The following RSPO3 variants were observed in gnomAD, a reference collection of about 807,000 sequenced individuals.
RSPO3 encodes the protein R-spondin-3.
RSPO3 carries 17 observed loss-of-function variants against 36.5 expected under a neutral mutation model. The observed-to-expected ratio is 0.47, with a 90% CI of 0.32 to 0.70. The LOEUF (loss-of-function observed/expected upper bound fraction) is 0.70. RSPO3 is among the 30% of genes least tolerant of loss of function. RSPO3 has a pLI of 0.04. For missense variants in RSPO3, 294 were observed against 322.5 expected (o/e 0.91, Z 0.68); for synonymous variants, 108 against 107.0 (o/e 1.01, Z -0.06).
At chr6:127,127,745 T>G (rs2114542162) in intron 1 of RSPO3, among the ~76,000 whole-genome samples, 1 of 152,180 alleles carries the variant, frequency 6.6e-6, no homozygotes, top group East Asian at 1.9e-4. Context: ...GGTTGGTACT[T>G]GAGGCAATCA....
At chr6:127,180,360 A>C (rs1582811685) in intron 4 of RSPO3, among the ~76,000 whole-genome samples, 1 of 151,664 alleles carries the variant, frequency 6.6e-6, no homozygotes, top group East Asian at 1.9e-4. Context: ...AACCATGCCA[A>C]GAACTTTGGG....
intron 4 of RSPO3, among the ~76,000 whole-genome samples, chr6:127,156,661 T>C (rs1412175609): frequency 1.3e-5 from 2 of 152,202 alleles, no homozygotes; most frequent in Non-Finnish European, 2.9e-5. Context: ...TTTATGGCTA[T>C]GCACTGTACT....
chr6:127,175,536 G>A (rs953503627), intron 4 of RSPO3, among the ~76,000 whole-genome samples: 1 of 151,726 alleles, frequency 6.6e-6, no homozygotes, highest in Non-Finnish European at 1.5e-5. Context: ...TCGTATATGA[G>A]CATAAAGTAC....
chr6:127,189,986 CAA>C (rs1775375442), intron 4 of RSPO3, among the ~76,000 whole-genome samples: 1 of 152,020 alleles, frequency 6.6e-6, no homozygotes, highest in Non-Finnish European at 1.5e-5. Flanking sequence ...TTAAAACAAA[CAA>C]AAGACATTTC....
intron 3 of RSPO3, 66 bp from the exon 4 acceptor site, chr6:127,155,175 T>A: frequency 1.3e-6 from 2 of 1,518,160 alleles, no homozygotes; most frequent in Non-Finnish European, 1.8e-6. Context: ...GCAAATCTTT[T>A]TTTAACTCAA....
chr6:127,170,770 A>C (rs2114616582), intron 4 of RSPO3, among the ~76,000 whole-genome samples: 1 of 151,958 alleles, frequency 6.6e-6, no homozygotes, highest in Middle Eastern at 3.4e-3. Flanking sequence ...AGTAACTTCA[A>C]AGAGTTACAA....
chr6:127,195,081 T>C (rs1339231228), intron 4 of RSPO3, among the ~76,000 whole-genome samples: 2 of 152,214 alleles, frequency 1.3e-5, no homozygotes, highest in Admixed American at 1.3e-4. Context: ...AGCAGGCAAA[T>C]ATCTTGACAA....
intron 1 of RSPO3, among the ~76,000 whole-genome samples, chr6:127,126,833 T>C (rs1371045509): frequency 6.6e-6 from 1 of 152,076 alleles, no homozygotes; most frequent in Admixed American, 6.6e-5. Context: ...CCCCACTGAG[T>C]AACTGTCTAG....
intron 4 of RSPO3, among the ~76,000 whole-genome samples, chr6:127,158,088 T>A (rs182906275): frequency 6.6e-6 from 1 of 151,630 alleles, no homozygotes; most frequent in Non-Finnish European, 1.5e-5. Flanking sequence ...ACCTAAATGA[T>A]AAGAACCCCA....
Position 127,148,754 on chromosome 6 carries a change from T to C in RSPO3, c.204T>C (p.Ile68=). 1 of 1,613,304 alleles carries C rather than the reference T, an allele frequency of 6.2e-7. No individual in the cohort carries two copies. The change falls in exon 2 of 5, where the codon ATT becomes ATC. Residue 68 remains isoleucine, a synonymous_variant. Transcript: ENST00000356698. ...KPRLFFALER[I]GMKQIGVCLS... ...GACTATTTTTTGCTCTGGAAAGAAT[T>C]GGCATGAAGCAGATTGGAGTATGTC...
At chr6:127,142,982 AT>A (rs34440525) in intron 1 of RSPO3, among the ~76,000 whole-genome samples, 82,729 of 143,074 alleles carry the variant, frequency 0.58, 23,176 homozygotes, top group African/African-American at 0.6. Flanking sequence ...TGCCCAGCTA[AT>A]TTTTTTTTTT....
chr6:127,152,568 C>G (rs1463541021), intron 3 of RSPO3, among the ~76,000 whole-genome samples: 1 of 152,142 alleles, frequency 6.6e-6, no homozygotes, highest in African/African-American at 2.4e-5. Context: ...TAGCTTCCCA[C>G]TACTCATCCA....
intron 1 of RSPO3, among the ~76,000 whole-genome samples, chr6:127,138,645 C>A (rs1774208694): frequency 6.6e-6 from 1 of 152,094 alleles, no homozygotes; most frequent in African/African-American, 2.4e-5. Context: ...TTAATCCTCT[C>A]AAATACATAT....
intron 4 of RSPO3, among the ~76,000 whole-genome samples, chr6:127,193,726 GT>G (rs1214349295): frequency 6.6e-6 from 1 of 152,056 alleles, no homozygotes; most frequent in Non-Finnish European, 1.5e-5. Flanking sequence ...TTACTCTTCA[GT>G]TTTCCCTGTT....
In RSPO3 at chr6:127,155,292, GAAA is replaced by G; in HGVS notation, c.491_493del (p.Lys164del). ...CCTTGGAGTCCATGCACGAAGAAGGGAAAAACATGTGGCTTCAAAAGAGGGACT... is the reference window on the plus strand; with the variant it reads ...CCTTGGAGTCCATGCACGAAGAAGGGAACATGTGGCTTCAAAAGAGGGACT... On this transcript the variant is annotated inframe_deletion, in exon 4 of 5. Coordinates refer to ENST00000356698, the MANE Select transcript of RSPO3 (RefSeq NM_032784.5). 1 of 1,613,906 alleles carries G rather than the reference GAAA, an allele frequency of 6.2e-7. No individual in the cohort carries two copies. The highest frequency in any genetic ancestry group is 8.5e-7 in the Non-Finnish European group (1 of 1,179,882).
chr6:127,153,990 T>G (rs969525173), intron 3 of RSPO3, among the ~76,000 whole-genome samples: 2 of 152,150 alleles, frequency 1.3e-5, no homozygotes, highest in Admixed American at 6.6e-5. Context: ...AATGGTTCAA[T>G]AAAGTTCATT....
At chr6:127,136,343 T>TA (rs1774156195) in intron 1 of RSPO3, among the ~76,000 whole-genome samples, 7 of 152,172 alleles carry the variant, frequency 4.6e-5, no homozygotes, top group Non-Finnish European at 8.8e-5. Flanking sequence ...TGCCCTAAAG[T>TA]AAGATGGCTC....
intron 4 of RSPO3, among the ~76,000 whole-genome samples, chr6:127,171,759 C>T (rs1774939005): frequency 1.3e-5 from 2 of 151,600 alleles, no homozygotes; most frequent in South Asian, 2.1e-4. Flanking sequence ...TGTTAGGTTG[C>T]AAACTAGCTT....
At chr6:127,131,931 A>T (rs549890828) in intron 1 of RSPO3, among the ~76,000 whole-genome samples, 1 of 152,290 alleles carries the variant, frequency 6.6e-6, no homozygotes, top group South Asian at 2.1e-4. Flanking sequence ...CCTGAAGCAA[A>T]TGGAGAGTCA....
Sources: gnomAD v4.1 joint callset for allele counts (sites outside exome capture counted in the v4.1 genomes callset) on GRCh38, gnomAD v4.1.1 for gene constraint, MANE v1.5 for transcripts, NCBI Gene and HGNC (gene_info 2026-07-23, HGNC 2026-07-21) for gene names.